The following COL6A5 variants were observed in gnomAD, a reference collection of about 807,000 sequenced individuals.
COL6A5 encodes collagen alpha-5(VI) chain.
A neutral mutation model predicts 65.6 loss-of-function variants in COL6A5; 48 were observed. The observed-to-expected ratio is 0.73, with a 90% CI of 0.58 to 0.93. COL6A5 has a LOEUF of 0.93. Ranked by LOEUF, COL6A5 falls within the 40% of genes least tolerant of loss-of-function variation. The probability of loss-of-function intolerance (pLI) is 0.00; values close to 1 mark genes in which losing one functional copy is unlikely to be tolerated. For missense variants in COL6A5, 914 were observed against 928.3 expected (o/e 0.98, Z 0.20); for synonymous variants, 291 against 322.8 (o/e 0.90, Z 1.05).
At chr3:130,391,055 T>TA (rs992737415) in intron 6 of COL6A5, 124 bp from the exon 7 acceptor site, 15 of 708,838 alleles carry the variant, frequency 2.1e-5, no homozygotes, top group Non-Finnish European at 3.6e-5. Context: ...CTCTAAGAAC[T>TA]AAGTGAGATA....
intron 1 of COL6A5, among the ~76,000 whole-genome samples, chr3:130,438,330 AT>A (rs1268830241): frequency 3.3e-5 from 5 of 152,136 alleles, no homozygotes; most frequent in African/African-American, 1.2e-4. Flanking sequence ...TTATTTTCAT[AT>A]CCCCAGAACC....
intron 7 of COL6A5, among the ~76,000 whole-genome samples, chr3:130,477,683 C>T (rs819092): frequency 0.063 from 9,610 of 151,996 alleles, 719 homozygotes; most frequent in East Asian, 0.35. Context: ...CTACCGAATC[C>T]GAAATTCTGG....
At chr3:130,435,041 T>C (rs750300410) in intron 1 of COL6A5, among the ~76,000 whole-genome samples, 4 of 152,216 alleles carry the variant, frequency 2.6e-5, no homozygotes, top group Admixed American at 2.0e-4. Context: ...TGGTATTGCA[T>C]AGGTTTTCTT....
chr3:130,354,679 C>T (rs1934858254), intron 1 of COL6A5, among the ~76,000 whole-genome samples: 2 of 152,148 alleles, frequency 1.3e-5, no homozygotes, highest in Non-Finnish European at 2.9e-5. Context: ...GTCATCTAGC[C>T]CAGAGCTTCA....
intron 5 of COL6A5, 31 bp downstream of exon 5, chr3:130,385,395 A>T: frequency 6.5e-7 from 1 of 1,531,144 alleles, no homozygotes; most frequent in Non-Finnish European, 8.8e-7. Flanking sequence ...TTTATTCTCC[A>T]CATTTCATCA....
intron 11 of COL6A5, 41 bp from the exon 12 acceptor site, chr3:130,401,721 T>C (rs377579113): frequency 1.4e-6 from 2 of 1,409,878 alleles, no homozygotes; most frequent in Admixed American, 2.0e-5. Flanking sequence ...ATAAAGTTTC[T>C]GACAATTGCT....
chr3:130,431,500 G>A, exon 1 of COL6A5: 1 of 1,551,446 alleles, frequency 6.4e-7, no homozygotes, highest in South Asian at 1.2e-5. Flanking sequence ...GCTAGTATTT[G>A]CTCTGGACAA....
chr3:130,359,691 G>T (rs548723065), intron 1 of COL6A5, among the ~76,000 whole-genome samples: 1 of 151,974 alleles, frequency 6.6e-6, no homozygotes. Flanking sequence ...TGTAGGACCC[G>T]CAGAAGTCAT....
At chr3:130,426,232 G>A in exon 30 of COL6A5, 1 of 1,551,262 alleles carries the variant, frequency 6.4e-7, no homozygotes. Flanking sequence ...AGGCATGGCA[G>A]GGCAGCCTGT....
chr3:130,376,874 A>C lies in COL6A5; in HGVS notation c.667+38A>C, dbSNP rs919303318. On this transcript the variant is annotated intron_variant and NMD_transcript_variant, in intron 3 of 41. Transcript: ENST00000312481. ...TTGGTTGAAGAGGTGCCTGATCCCC[A>C]GGTGGGTCTACATCTGTCCACTCTC... 3.2e-6 allele frequency: 5 copies of C among 1,557,072 alleles called. No individual in the cohort carries two copies. In the African/African-American group the frequency reaches 6.8e-5, roughly 21 times the overall value.
chr3:130,440,559 C>T (rs899377173), exon 3 of COL6A5: 4 of 1,613,328 alleles, frequency 2.5e-6, no homozygotes, highest in Non-Finnish European at 3.4e-6. Context: ...CCAGAAACAC[C>T]CTATCTAAGA....
exon 4 of COL6A5, chr3:130,379,691 CA>C: frequency 6.4e-7 from 1 of 1,551,420 alleles, no homozygotes; most frequent in Non-Finnish European, 8.7e-7. Context: ...AAATCCAATA[CA>C]GGGGCTGCCA....
intron 17 of COL6A5, among the ~76,000 whole-genome samples, chr3:130,407,613 G>T (rs1937036466): frequency 6.6e-6 from 1 of 152,196 alleles, no homozygotes; most frequent in South Asian, 2.1e-4. Context: ...GGCACCTAAG[G>T]TGCAAAAGGG....
chr3:130,469,099 C>T, exon 6 of COL6A5: 1 of 1,613,024 alleles, frequency 6.2e-7, no homozygotes, highest in Non-Finnish European at 8.5e-7. Context: ...TTACTTATAA[C>T]AGTATACACC....
At chr3:130,471,379 T>A (rs1709949442) in intron 7 of COL6A5, among the ~76,000 whole-genome samples, 1 of 152,042 alleles carries the variant, frequency 6.6e-6, no homozygotes, top group African/African-American at 2.4e-5. Context: ...AAAACACATA[T>A]GAAGATTGGC....
chr3:130,479,156 G>A (rs940192151), intron 7 of COL6A5, among the ~76,000 whole-genome samples: 14 of 151,890 alleles, frequency 9.2e-5, no homozygotes, highest in African/African-American at 3.4e-4. Flanking sequence ...CTTATGAATG[G>A]GATCAGTGTC....
At chr3:130,414,930 A>T (rs1010808188) in intron 22 of COL6A5, among the ~76,000 whole-genome samples, 1 of 151,916 alleles carries the variant, frequency 6.6e-6, no homozygotes, top group African/African-American at 2.4e-5. Context: ...GTTTCTCTAG[A>T]TTGGGTAGGG....
chr3:130,416,502 C>T (rs1330667580), intron 23 of COL6A5, among the ~76,000 whole-genome samples: 1 of 152,064 alleles, frequency 6.6e-6, no homozygotes, highest in African/African-American at 2.4e-5. Flanking sequence ...GGTGCCTTTT[C>T]TTTTTCTCAC....
At chr3:130,400,493 G>T (rs539437343) in intron 10 of COL6A5, among the ~76,000 whole-genome samples, 1 of 152,224 alleles carries the variant, frequency 6.6e-6, no homozygotes, top group Non-Finnish European at 1.5e-5. Context: ...ATTAATGAGT[G>T]AATAGATGAA....
Sources: gnomAD v4.1 joint callset for allele counts (sites outside exome capture counted in the v4.1 genomes callset) on GRCh38, gnomAD v4.1.1 for gene constraint, MANE v1.5 for transcripts, NCBI Gene and HGNC (gene_info 2026-07-23, HGNC 2026-07-21) for gene names.